The following ARCN1 variants were observed in gnomAD, a reference collection of about 807,000 sequenced individuals.
The protein encoded by ARCN1 is archain 1 coat protein complex I subunit delta.
ARCN1 carries 5 observed loss-of-function variants against 60.4 expected under a neutral mutation model. The observed-to-expected ratio is 0.08, with a 90% CI of 0.04 to 0.17. ARCN1 has a LOEUF of 0.17. Ranked by LOEUF, ARCN1 falls within the 10% of genes least tolerant of loss-of-function variation. ARCN1 has a pLI of 1.00. For missense variants in ARCN1, 464 were observed against 626.5 expected, an observed-to-expected ratio of 0.74 and a Z score of 2.77; for synonymous variants, 224 against 220.0, an observed-to-expected ratio of 1.02 and a Z score of -0.16.
chr11:118,575,634 C>T (rs1306241860), intron 1 of ARCN1, among the ~76,000 whole-genome samples: 11 of 152,066 alleles, frequency 7.2e-5, no homozygotes, highest in African/African-American at 2.2e-4. Flanking sequence ...TAGAAACTAG[C>T]CTTAATATGA....
At chr11:118,595,612 C>T (rs1223269046) in intron 8 of ARCN1, among the ~76,000 whole-genome samples, 1 of 152,200 alleles carries the variant, frequency 6.6e-6, no homozygotes, top group Non-Finnish European at 1.5e-5. Context: ...TTTTTAGTAA[C>T]ATTTACAGTG....
chr11:118,597,188 A>G (rs968639534), intron 8 of ARCN1, among the ~76,000 whole-genome samples: 1 of 152,238 alleles, frequency 6.6e-6, no homozygotes, highest in Non-Finnish European at 1.5e-5. Flanking sequence ...GCCTGGCGAC[A>G]GAGCAAGACT....
chr11:118,576,197 A>C (rs1287593764), intron 1 of ARCN1, among the ~76,000 whole-genome samples: 1 of 152,074 alleles, frequency 6.6e-6, no homozygotes, highest in Non-Finnish European at 1.5e-5. Context: ...TCATGTAGTT[A>C]AGTCTGTGTA....
intron 4 of ARCN1, 53 bp downstream of exon 4, chr11:118,584,067 C>A: frequency 6.6e-7 from 1 of 1,511,378 alleles, no homozygotes; most frequent in Non-Finnish European, 9.0e-7. Flanking sequence ...ATGTGTCTAT[C>A]TTTGAAGTCA....
At chr11:118,584,074 G>A (rs571050423) in intron 4 of ARCN1, 60 bp downstream of exon 4, 3 of 1,478,808 alleles carry the variant, frequency 2.0e-6, no homozygotes, top group African/African-American at 2.8e-5. Context: ...TATCTTTGAA[G>A]TCATAATCTG....
chr11:118,584,384 G>A (rs1938730653), intron 4 of ARCN1, 96 bp from the exon 5 acceptor site: 2 of 1,173,968 alleles, frequency 1.7e-6, no homozygotes, highest in Non-Finnish European at 1.2e-6. Flanking sequence ...GTGCACAGGT[G>A]TATTTCTCTG....
chr11:118,599,721 C>T (rs782098624), intron 9 of ARCN1, among the ~76,000 whole-genome samples: 1 of 152,194 alleles, frequency 6.6e-6, no homozygotes, highest in Non-Finnish European at 1.5e-5. Flanking sequence ...TGAGCTTCCA[C>T]GTCTGGCTGT....
intron 1 of ARCN1, among the ~76,000 whole-genome samples, chr11:118,575,223 C>T (rs1555073276): frequency 2.0e-5 from 3 of 152,158 alleles, no homozygotes; most frequent in Non-Finnish European, 1.5e-5. Context: ...CGTGATCTGC[C>T]CGCCTCGGCC....
rs1565369048 is a variant in ARCN1 at position 118,602,684 on chromosome 11, C to CT, written c.*1971dup. ...CTGAGAAGGGCTTGGGACAAGAAGT[C>CT]TGTCATGTTAGTTAAGCAGGCAAGA... On this transcript the variant is annotated 3_prime_UTR_variant, in exon 10 of 10. Transcript: ENST00000264028. 6.5e-6 allele frequency: 1 copy of CT among 153,726 alleles called. No homozygotes were observed. The highest frequency in any genetic ancestry group is 2.4e-5 in the African/African-American group (1 of 41,424). The allele number at this position is 153,726 out of a possible 1,614,324, so 9.5% of individuals were successfully genotyped here.
chr11:118,592,441 T>C (rs1256559458), intron 6 of ARCN1, among the ~76,000 whole-genome samples: 4 of 152,214 alleles, frequency 2.6e-5, no homozygotes, highest in Non-Finnish European at 5.9e-5. Context: ...GTTAATAGTC[T>C]TTTAACTTTT....
chr11:118,579,364 A>G (rs924840644), intron 1 of ARCN1, among the ~76,000 whole-genome samples: 10 of 152,116 alleles, frequency 6.6e-5, no homozygotes, highest in Admixed American at 5.9e-4. Context: ...TGCCAATTGT[A>G]TAAACTTTTT....
In ARCN1 at chr11:118,593,645, G is replaced by C; in HGVS notation, c.1188G>C (p.Glu396Asp). ...GNGCDVNIEYELQEDNLELND... is the reference protein window; with the variant it reads ...GNGCDVNIEYDLQEDNLELND... ...GCTGTGATGTCAACATAGAATATGA[G>C]CTACAAGAAGATAATTTAGAACTGA... The change falls in exon 8 of 10, where the codon GAG becomes GAC. Residue 396 changes from glutamate (E) to aspartate (D), a missense_variant. Glu to Asp is a conservative substitution (Grantham distance 45, BLOSUM62 2). This residue lies in a region of ARCN1 where 359 missense variants were observed against 440.2 expected (regional missense o/e 0.82). Coordinates refer to ENST00000264028, the MANE Select transcript of ARCN1 (RefSeq NM_001655.5). The C allele has an allele frequency of 1.2e-6, 2 of 1,613,790 alleles. No homozygotes were observed. The highest frequency in any genetic ancestry group is 1.7e-6 in the Non-Finnish European group (2 of 1,179,786).
rs200207376 is a variant in ARCN1 at position 118,592,754 on chromosome 11, A to G, written c.1030A>G (p.Ile344Val). 10 of 1,614,058 alleles carry G rather than the reference A, an allele frequency of 6.2e-6. No individual in the cohort carries two copies. In the East Asian group the frequency reaches 8.9e-5, roughly 14 times the overall value. ...AAAACTTTTCACTGCAGAGTCTCTA[A>G]TTGGCCTGAAGAATCCAGAGAAGTC... ...DKKLFTAESL[I>V]GLKNPEKSFP... The change falls in exon 7 of 10, where the codon ATT becomes GTT. Residue 344 changes from isoleucine (I) to valine (V), a missense_variant. By Grantham distance (29) the Ile-to-Val change is conservative (BLOSUM62 3). Coordinates refer to ENST00000264028, the MANE Select transcript of ARCN1 (RefSeq NM_001655.5).
chr11:118,600,381 A>G (rs1555077917), intron 9 of ARCN1, among the ~76,000 whole-genome samples: 1 of 152,248 alleles, frequency 6.6e-6, no homozygotes. Context: ...CTTTTACTTA[A>G]TACTACGGAA....
rs374333744 is a variant in ARCN1 at position 118,583,350 on chromosome 11, G to A, written c.439G>A (p.Val147Ile). ...TCATGAGGAGAAGGTGTTCAGAGCCGTCAGAGAGGTAAATAGGATCTTCTC... is the reference window on the plus strand; with the variant it reads ...TCATGAGGAGAAGGTGTTCAGAGCCATCAGAGAGGTAAATAGGATCTTCTC... The part of the protein sequence containing the change: ...DSHEEKVFRA[V>I]RETQEREAKA... Residue 147 changes from valine (V) to isoleucine (I), a missense_variant, in exon 3 of 10, where the codon GTC (valine) becomes ATC (isoleucine). Physicochemically the swap from Val to Ile is conservative, Grantham distance 29. This residue lies in a region of ARCN1 where 105 missense variants were observed against 186.3 expected (regional missense o/e 0.56). Transcript: ENST00000264028. 3.1e-6 allele frequency: 5 copies of A among 1,608,968 alleles called. No homozygotes were observed. The highest frequency in any genetic ancestry group is 4.2e-6 in the Non-Finnish European group (5 of 1,177,676).
Position 118,601,678 on chromosome 11 carries a change from T to C in ARCN1, c.*964T>C. On this transcript the variant is annotated 3_prime_UTR_variant, in exon 10 of 10. Coordinates refer to ENST00000264028, the MANE Select transcript of ARCN1 (RefSeq NM_001655.5). ...TCTTTTCCCGTATCAATTCATTCCT[T>C]CATCTCTTTGCCAAGTTGTTTTCCT... 1 of 703,036 alleles carries C rather than the reference T, an allele frequency of 1.4e-6. No homozygotes were observed. Among genetic ancestry groups the C allele is most frequent in the East Asian group, 2.7e-5 (1 of 37,284 alleles). The allele number at this position is 703,036 out of a possible 1,614,324, so 43.5% of individuals were successfully genotyped here.
intron 5 of ARCN1, among the ~76,000 whole-genome samples, chr11:118,584,925 A>C (rs1199931243): frequency 2.0e-5 from 3 of 151,902 alleles, no homozygotes; most frequent in Non-Finnish European, 4.4e-5. Context: ...TCCCAGGTTC[A>C]CGCCATTCTC....
chr11:118,585,460 A>G (rs535374933), intron 5 of ARCN1, among the ~76,000 whole-genome samples: 12 of 152,368 alleles, frequency 7.9e-5, no homozygotes, highest in African/African-American at 2.9e-4. Flanking sequence ...TTTTCTAATT[A>G]AAGTCTAAGT....
chr11:118,597,584 T>TC (rs1939054004), intron 8 of ARCN1, 123 bp from the exon 9 acceptor site: 3 of 951,898 alleles, frequency 3.2e-6, no homozygotes, highest in South Asian at 3.4e-5. Flanking sequence ...AGCCTTTTTT[T>TC]CCCCTGAAAT....
Sources: gnomAD v4.1 joint callset for allele counts (sites outside exome capture counted in the v4.1 genomes callset) on GRCh38, gnomAD v4.1.1 for gene constraint, gnomAD v4.1.1 regional missense constraint, MANE v1.5 for transcripts, NCBI Gene and HGNC (gene_info 2026-07-23, HGNC 2026-07-21) for gene names.